METAP2: variants seen among roughly 807,000 people sequenced by gnomAD.
METAP2 encodes the protein methionine aminopeptidase 2.
Under a neutral mutation model 59.4 loss-of-function variants are expected in METAP2, and 25 were observed. The ratio of observed to expected loss-of-function variants is 0.42; its 90% CI spans 0.31 to 0.59. METAP2 has a LOEUF of 0.59. METAP2 is among the 20% of genes least tolerant of loss of function. The pLI is 0.16. For missense variants in METAP2, 366 were observed against 581.2 expected, an observed-to-expected ratio of 0.63 and a Z score of 3.81; for synonymous variants, 214 against 194.1, an observed-to-expected ratio of 1.10 and a Z score of -0.85.
intron 4 of METAP2, among the ~76,000 whole-genome samples, chr12:95,488,018 T>G (rs1594418262): frequency 6.6e-6 from 1 of 152,232 alleles, no homozygotes; most frequent in East Asian, 1.9e-4. Flanking sequence ...CTCTTTCTCA[T>G]GTACTGGTAG....
intron 7 of METAP2, among the ~76,000 whole-genome samples, chr12:95,499,296 C>T (rs930750664): frequency 2.0e-5 from 3 of 152,076 alleles, no homozygotes. Flanking sequence ...CTCATGCCAC[C>T]GTACCCATCA....
Position 95,511,828 on chromosome 12 carries a change from A to G in METAP2, c.965-67A>G. 4.5e-6 allele frequency: 5 copies of G among 1,111,458 alleles called. No individual in the cohort carries two copies. The Admixed American group carries it at 6.1e-5, about 14-fold the overall frequency. 68.8% of individuals were successfully genotyped at this position (1,111,458 alleles called of 1,614,324 possible). On this transcript the variant is annotated intron_variant, in intron 8 of 10. Coordinates refer to ENST00000323666, the MANE Select transcript of METAP2 (RefSeq NM_006838.4). ...ATAAATGCTTGAACTCTGTACCAAA[A>G]TGTAAGAGATCTGTTTTTGCTTCTT...
chr12:95,506,795 C>CTTATTTATTTATTTATTTATTTAT lies in METAP2; in HGVS notation c.964+2644_964+2667dup, dbSNP rs56755873. ...GTGAACACAAGTGCAAAGCAGAATA[C>CTTATTTATTTATTTATTTATTTAT]TTATTTATTTATTTATTTATTTATT... On this transcript the variant is annotated intron_variant, in intron 8 of 10. Transcript: ENST00000323666. Among the ~76,000 whole-genome samples, 222 of 147,332 alleles carry CTTATTTATTTATTTATTTATTTAT rather than the reference C, an allele frequency of 1.5e-3. 2 individuals are homozygous for CTTATTTATTTATTTATTTATTTAT. Among genetic ancestry groups the CTTATTTATTTATTTATTTATTTAT allele is most frequent in the Middle Eastern group, 7.0e-3 (2 of 284 alleles).
chr12:95,515,050 T>A lies in METAP2; in HGVS notation c.*1146T>A, dbSNP rs199911565. 17 of 152,664 alleles carry A rather than the reference T, an allele frequency of 1.1e-4. No homozygotes were observed. The highest frequency in any genetic ancestry group is 6.5e-4 in the Admixed American group (10 of 15,282). The allele number at this position is 152,664 out of a possible 1,614,324, so 9.5% of individuals were successfully genotyped here. The stretch of plus-strand genomic sequence containing the variant: ...AATTGAATTCTTATATTTAAATAAT[T>A]TTATGGGAATGTTCCATCATAATTT... On this transcript the variant is annotated 3_prime_UTR_variant, in exon 11 of 11. Transcript: ENST00000323666.
At chr12:95,501,531 G>A (rs906537373) in intron 7 of METAP2, among the ~76,000 whole-genome samples, 1 of 152,028 alleles carries the variant, frequency 6.6e-6, no homozygotes, top group Non-Finnish European at 1.5e-5. Flanking sequence ...TCTGGCCAAC[G>A]TGGTGAAACC....
intron 2 of METAP2, among the ~76,000 whole-genome samples, chr12:95,476,981 C>A (rs2076124577): frequency 6.6e-6 from 1 of 152,202 alleles, no homozygotes; most frequent in Admixed American, 6.5e-5. Context: ...CCAGCCATCT[C>A]ATTTTACAGA....
Position 95,515,476 on chromosome 12 carries a change from A to G in METAP2, c.*1572A>G, listed in dbSNP as rs1359105567. The G allele has an allele frequency of 6.6e-6, 1 of 152,202 alleles. No individual in the cohort carries two copies. The highest frequency in any genetic ancestry group is 6.5e-5 in the Admixed American group (1 of 15,276). 9.4% of individuals were successfully genotyped at this position (152,202 alleles called of 1,614,324 possible). A position where few individuals can be genotyped will look rare whatever the true frequency, so the allele number is the denominator to read the frequency against. ...TTGGGGTTGAGTCCGTATCTTTTTG[A>G]TGTGGAAGTATAAAGCAAGTATCTT... On this transcript the variant is annotated 3_prime_UTR_variant, in exon 11 of 11. Transcript: ENST00000323666.
At chr12:95,484,006 C>T (rs891016645) in intron 3 of METAP2, among the ~76,000 whole-genome samples, 2 of 152,020 alleles carry the variant, frequency 1.3e-5, no homozygotes, top group Admixed American at 6.6e-5. Flanking sequence ...CACAACCAAA[C>T]ATCATCAGGT....
intron 8 of METAP2, among the ~76,000 whole-genome samples, chr12:95,505,045 C>G (rs557530726): frequency 6.6e-6 from 1 of 152,214 alleles, no homozygotes; most frequent in African/African-American, 2.4e-5. Flanking sequence ...TCATTATTCT[C>G]TGTGATCCTG....
At chr12:95,482,817 A>G (rs1262342095) in intron 2 of METAP2, among the ~76,000 whole-genome samples, 1 of 152,144 alleles carries the variant, frequency 6.6e-6, no homozygotes, top group East Asian at 1.9e-4. Context: ...AGAAGTGGCA[A>G]TTTTGACCAA....
At chr12:95,482,339 C>T (rs559287085) in intron 2 of METAP2, 98 of 308,102 alleles carry the variant, frequency 3.2e-4, no homozygotes, top group Admixed American at 2.7e-3. Flanking sequence ...TCTCAAACTC[C>T]TGGGCTCAAG....
At chr12:95,481,129 A>G (rs2076155567) in intron 2 of METAP2, among the ~76,000 whole-genome samples, 1 of 152,232 alleles carries the variant, frequency 6.6e-6, no homozygotes, top group South Asian at 2.1e-4. Context: ...AGTAACACAA[A>G]TAAACATAAG....
chr12:95,493,976 C>T, intron 4 of METAP2, 80 bp from the exon 5 acceptor site: 20 of 1,211,124 alleles, frequency 1.7e-5, no homozygotes, highest in Non-Finnish European at 2.4e-5. Context: ...TTTGAACTGT[C>T]TTGTTACTTA....
intron 4 of METAP2, among the ~76,000 whole-genome samples, chr12:95,487,555 GA>G (rs1320371096): frequency 6.6e-6 from 1 of 150,782 alleles, no homozygotes; most frequent in African/African-American, 2.4e-5. Flanking sequence ...TAGTACATAT[GA>G]TGTGATCACA....
chr12:95,481,107 T>G (rs377242999), intron 2 of METAP2, among the ~76,000 whole-genome samples: 14 of 152,344 alleles, frequency 9.2e-5, no homozygotes, highest in South Asian at 4.1e-4. Flanking sequence ...TATCAACTGA[T>G]TTGGGCATAG....
chr12:95,480,828 G>A (rs537490399), intron 2 of METAP2, among the ~76,000 whole-genome samples: 1 of 152,258 alleles, frequency 6.6e-6, no homozygotes, highest in East Asian at 1.9e-4. Flanking sequence ...TTGCTTATAG[G>A]ACAGTTTTAA....
intron 2 of METAP2, among the ~76,000 whole-genome samples, chr12:95,480,356 GTGTAGATA>G (rs1195761802): frequency 6.6e-6 from 1 of 152,160 alleles, no homozygotes; most frequent in African/African-American, 2.4e-5. Flanking sequence ...ATGGGTCTAT[GTGTAGATA>G]TGTTTTCATT....
At chr12:95,485,786 A>G (rs925832235) in intron 3 of METAP2, 93 bp from the exon 4 acceptor site, 2 of 805,478 alleles carry the variant, frequency 2.5e-6, no homozygotes, top group South Asian at 2.2e-5. Context: ...TAAAATCAGA[A>G]CATATAACAA....
chr12:95,497,634 T>C (rs1001500415), intron 7 of METAP2, among the ~76,000 whole-genome samples: 4 of 152,196 alleles, frequency 2.6e-5, no homozygotes, highest in Non-Finnish European at 5.9e-5. Context: ...CTTTTTAAAC[T>C]TTTTGAGTAT....
Sources: gnomAD v4.1 joint callset for allele counts (sites outside exome capture counted in the v4.1 genomes callset) on GRCh38, gnomAD v4.1.1 for gene constraint, MANE v1.5 for transcripts, NCBI Gene and HGNC (gene_info 2026-07-23, HGNC 2026-07-21) for gene names.